CLASP1: variants seen among roughly 807,000 people sequenced by gnomAD.
The protein encoded by CLASP1 is CLIP-associating protein 1.
A neutral mutation model predicts 192.3 loss-of-function variants in CLASP1; 38 were observed. That is an observed-to-expected ratio of 0.20 (90% CI 0.15 to 0.26). The LOEUF (loss-of-function observed/expected upper bound fraction) is 0.26. Among genes scored for constraint, CLASP1 ranks in the 10% least tolerant of loss-of-function variants. The pLI is 1.00. For missense variants in CLASP1, 1,433 were observed against 1,932.5 expected (o/e 0.74, Z 4.85); for synonymous variants, 691 against 712.8 (o/e 0.97, Z 0.49).
chr2:121,474,368 C>T (rs1354898373), intron 8 of CLASP1, among the ~76,000 whole-genome samples: 1 of 152,124 alleles, frequency 6.6e-6, no homozygotes, highest in Non-Finnish European at 1.5e-5. Context: ...AGATGTCACA[C>T]AATAGTGTAT....
chr2:121,496,530 C>T (rs2093540108), intron 8 of CLASP1, among the ~76,000 whole-genome samples: 1 of 152,150 alleles, frequency 6.6e-6, no homozygotes, highest in Admixed American at 6.5e-5. Context: ...ATCTCAGATA[C>T]TAAGTGTTCG....
At chr2:121,403,521 T>C (rs961438974) in intron 26 of CLASP1, 31 of 456,586 alleles carry the variant, frequency 6.8e-5, no homozygotes, top group Admixed American at 1.6e-4. Context: ...CCATCTTTAC[T>C]AGGAAAACTG....
At chr2:121,642,196 T>A (rs1181175424) in intron 1 of CLASP1, among the ~76,000 whole-genome samples, 1 of 151,294 alleles carries the variant, frequency 6.6e-6, no homozygotes, top group Non-Finnish European at 1.5e-5. Context: ...GGCAGGAGGA[T>A]TGCTTGAGTC....
chr2:121,611,581 G>A (rs2065505719), intron 1 of CLASP1, among the ~76,000 whole-genome samples: 1 of 144,010 alleles, frequency 6.9e-6, no homozygotes, highest in South Asian at 2.3e-4. Context: ...ACAGGAGGAA[G>A]AGGAACTGGA....
At chr2:121,548,938 T>C (rs548439303) in intron 2 of CLASP1, among the ~76,000 whole-genome samples, 30 of 152,268 alleles carry the variant, frequency 2.0e-4, no homozygotes, top group Non-Finnish European at 3.7e-4. Context: ...TGTATTAATA[T>C]AGTAGAAAGG....
chr2:121,348,779 AC>A, intron 37 of CLASP1, 61 bp from the exon 39 acceptor site: 7 of 1,407,528 alleles, frequency 5.0e-6, no homozygotes, highest in Non-Finnish European at 6.7e-6. Flanking sequence ...GAAAGACCAA[AC>A]ATCACTTTTG....
chr2:121,502,665 G>A (rs1310279551), intron 8 of CLASP1, among the ~76,000 whole-genome samples: 1 of 152,188 alleles, frequency 6.6e-6, no homozygotes, highest in African/African-American at 2.4e-5. Flanking sequence ...ATCACGCAAG[G>A]CCCAGTGGGC....
At chr2:121,344,290 C>T (rs2149096402) in intron 39 of CLASP1, among the ~76,000 whole-genome samples, 1 of 152,060 alleles carries the variant, frequency 6.6e-6, no homozygotes, top group Middle Eastern at 3.4e-3. Flanking sequence ...CCTCTTCGTA[C>T]AGAAGATATC....
chr2:121,578,386 C>T (rs1490804891), intron 2 of CLASP1, among the ~76,000 whole-genome samples: 3 of 143,996 alleles, frequency 2.1e-5, no homozygotes, highest in East Asian at 4.1e-4. Context: ...TACACCACTG[C>T]ACTCCAGCCT....
chr2:121,441,504 T>C (rs1256501252), intron 19 of CLASP1, among the ~76,000 whole-genome samples: 3 of 152,188 alleles, frequency 2.0e-5, no homozygotes, highest in Non-Finnish European at 2.9e-5. Context: ...GGCAGGAGGA[T>C]GACTTGAGCC....
intron 15 of CLASP1, 73 bp from the exon 16 acceptor site, chr2:121,451,063 AAT>A (rs2085368672): frequency 2.0e-6 from 2 of 1,024,812 alleles, no homozygotes; most frequent in Admixed American, 1.9e-5. Context: ...AGGTGGGAGA[AAT>A]AACTTCCAAA....
chr2:121,348,646 G>A (rs763223281), exon 38 of CLASP1: 3 of 1,613,770 alleles, frequency 1.9e-6, no homozygotes, highest in Non-Finnish European at 2.5e-6. Flanking sequence ...ATGGGGCAGA[G>A]CACCTTGATG....
chr2:121,577,038 C>T (rs193218150), intron 2 of CLASP1, among the ~76,000 whole-genome samples: 2 of 152,152 alleles, frequency 1.3e-5, no homozygotes, highest in East Asian at 1.9e-4. Context: ...ATTACGGATA[C>T]ATATTAAAAT....
intron 2 of CLASP1, among the ~76,000 whole-genome samples, chr2:121,574,346 C>T (rs1259165875): frequency 7.3e-6 from 1 of 137,784 alleles, no homozygotes; most frequent in Non-Finnish European, 1.5e-5. Context: ...AAAAAAAAAT[C>T]ACTGATGGCT....
chr2:121,385,205 T>C (rs1031975690), intron 32 of CLASP1, among the ~76,000 whole-genome samples: 1 of 152,256 alleles, frequency 6.6e-6, no homozygotes, highest in African/African-American at 2.4e-5. Flanking sequence ...AAGCAGTTTT[T>C]CCCACTGCTG....
intron 7 of CLASP1, among the ~76,000 whole-genome samples, chr2:121,503,533 T>C (rs996240526): frequency 6.6e-6 from 1 of 152,218 alleles, no homozygotes; most frequent in East Asian, 1.9e-4. Flanking sequence ...CCAGAGCCCC[T>C]GCTCTCTGAC....
At chr2:121,387,689 G>C in intron 31 of CLASP1, 74 bp downstream of exon 32, 1 of 1,432,618 alleles carries the variant, frequency 7.0e-7, no homozygotes, top group Non-Finnish European at 9.8e-7. Context: ...TATTCTATTA[G>C]AGTAGGTTCT....
At chr2:121,530,115 G>T in intron 3 of CLASP1, 132 bp downstream of exon 3, 1 of 716,808 alleles carries the variant, frequency 1.4e-6, no homozygotes. Context: ...CTGTTTGGGA[G>T]GAGCGGAAGG....
exon 17 of CLASP1, chr2:121,449,089 T>C: frequency 6.2e-7 from 1 of 1,613,956 alleles, no homozygotes; most frequent in East Asian, 2.2e-5. Context: ...TCTGCTTCTC[T>C]GCTGAAGTGA....
Sources: gnomAD v4.1 joint callset for allele counts (sites outside exome capture counted in the v4.1 genomes callset) on GRCh38, gnomAD v4.1.1 for gene constraint, MANE v1.5 for transcripts, NCBI Gene and HGNC (gene_info 2026-07-23, HGNC 2026-07-21) for gene names.